Variants in IMPG1 observed in about 807,000 individuals in gnomAD.
IMPG1 encodes interphotoreceptor matrix proteoglycan of 150 kDa.
In IMPG1, 85 loss-of-function variants were observed where a neutral mutation model predicts 92.0. The ratio of observed to expected loss-of-function variants is 0.92; its 90% CI spans 0.78 to 1.11. The LOEUF is 1.11. IMPG1 is among the 50% of genes least tolerant of loss of function. The pLI, the probability that IMPG1 is intolerant of heterozygous loss-of-function variation, is 0.00. For missense variants in IMPG1, 1,022 were observed against 956.0 expected (o/e 1.07, Z -0.91); for synonymous variants, 367 against 334.1 (o/e 1.10, Z -1.08).
chr6:76,040,491 C>G (rs1783816604), intron 2 of IMPG1, among the ~76,000 whole-genome samples: 1 of 152,198 alleles, frequency 6.6e-6, no homozygotes, highest in African/African-American at 2.4e-5. Flanking sequence ...GTAATTTACT[C>G]ATGTCACTGT....
chr6:76,041,212 G>T (rs983261215), intron 2 of IMPG1, among the ~76,000 whole-genome samples: 1 of 152,168 alleles, frequency 6.6e-6, no homozygotes, highest in Non-Finnish European at 1.5e-5. Flanking sequence ...GATAGTCACT[G>T]ATGGCTGTGC....
At chr6:75,950,514 A>C in intron 13 of IMPG1, 48 bp downstream of exon 13, 1 of 1,464,588 alleles carries the variant, frequency 6.8e-7, no homozygotes, top group Non-Finnish European at 9.2e-7. Flanking sequence ...AATAACAACA[A>C]AGAAAGAAGA....
At chr6:75,985,718 TC>T (rs1782705045) in intron 12 of IMPG1, among the ~76,000 whole-genome samples, 1 of 152,192 alleles carries the variant, frequency 6.6e-6, no homozygotes, top group African/African-American at 2.4e-5. Flanking sequence ...GGAGAGCAGT[TC>T]CTTTATAGGA....
intron 15 of IMPG1, among the ~76,000 whole-genome samples, chr6:75,927,582 C>T (rs543516261): frequency 2.0e-5 from 3 of 152,104 alleles, no homozygotes; most frequent in South Asian, 2.1e-4. Flanking sequence ...ATAGGGGCAA[C>T]GGGTTTGTCC....
At position 76,012,876 on chromosome 6, in the gene IMPG1, C is replaced by T. The variant is rs144338732; in HGVS notation, c.808-1652G>A. On this transcript the variant is annotated intron_variant, in intron 7 of 16. Coordinates refer to ENST00000369950, the MANE Select transcript of IMPG1 (RefSeq NM_001563.4). ...TTGTCCTCAGCCTCTCTGCCTCAGA[C>T]AGGGTCATGAACCCCGACTGTCTTC... Among the ~76,000 whole-genome samples, 99 of 152,318 alleles carry T rather than the reference C, an allele frequency of 6.5e-4. 2 individuals are homozygous for T. The highest frequency in any genetic ancestry group is 2.1e-3 in the Admixed American group (32 of 15,298).
chr6:76,049,457 C>T (rs1783999686), intron 1 of IMPG1, among the ~76,000 whole-genome samples: 1 of 152,120 alleles, frequency 6.6e-6, no homozygotes, highest in African/African-American at 2.4e-5. Flanking sequence ...TGCCCCCTAC[C>T]TTTATTCTCT....
intron 1 of IMPG1, among the ~76,000 whole-genome samples, chr6:76,059,938 A>G (rs1372975248): frequency 1.3e-5 from 2 of 152,202 alleles, no homozygotes; most frequent in African/African-American, 4.8e-5. Context: ...TTACTTGTTT[A>G]TAAATGCAGC....
At position 75,924,743 on chromosome 6, in the gene IMPG1, A is replaced by ATATATAATATATAATATAAT. The variant is rs1449923321; in HGVS notation, c.2244-1038_2244-1037insATTATATTATATATTATATA. Among the ~76,000 whole-genome samples the ATATATAATATATAATATAAT allele has an allele frequency of 5.9e-3, 138 of 23,396 alleles. 16 individuals carry two copies. The highest frequency in any genetic ancestry group is 0.019 in the African/African-American group (107 of 5,634). 15.3% of individuals were successfully genotyped at this position (23,396 alleles called of 152,430 possible). On this transcript the variant is annotated intron_variant, in intron 15 of 16. Coordinates refer to ENST00000369950, the MANE Select transcript of IMPG1 (RefSeq NM_001563.4). ...ATAATATAATTATATATAATATATA[A>ATATATAATATATAATATAAT]TATATAATATATCATATAATTATAT...
chr6:76,011,485 G>A (rs923218051), intron 7 of IMPG1, among the ~76,000 whole-genome samples: 1 of 152,004 alleles, frequency 6.6e-6, no homozygotes, highest in African/African-American at 2.4e-5. Context: ...AGCTGTAACT[G>A]GATAGTTCTG....
At chr6:76,042,151 G>A (rs753334841) in intron 1 of IMPG1, 25 bp from the exon 2 acceptor site, 34 of 1,136,324 alleles carry the variant, frequency 3.0e-5, no homozygotes, top group Middle Eastern at 2.1e-4. Context: ...TTGATATCCT[G>A]GTGAATATAT....
In IMPG1 at chr6:75,956,512, G is replaced by A. The variant is rs550881166; in HGVS notation, c.1292-5418C>T. ...TTTCTTCTTTAGTAGTCTGGTTAGC[G>A]GTCTATTTTGTTAATCTTTTCAAAA... On this transcript the variant is annotated intron_variant, in intron 12 of 16. Coordinates refer to ENST00000369950, the MANE Select transcript of IMPG1 (RefSeq NM_001563.4). Among the ~76,000 whole-genome samples, 21 of 151,688 alleles carry A rather than the reference G, an allele frequency of 1.4e-4. No homozygotes were observed. The South Asian group carries it at 2.3e-3, about 17-fold the overall frequency.
intron 1 of IMPG1, among the ~76,000 whole-genome samples, chr6:76,067,626 C>A (rs1784332775): frequency 6.6e-6 from 1 of 151,468 alleles, no homozygotes; most frequent in African/African-American, 2.4e-5. Flanking sequence ...AGAATGGGTA[C>A]CAATCTTACT....
chr6:76,067,086 A>T (rs1784322027), intron 1 of IMPG1, among the ~76,000 whole-genome samples: 1 of 152,084 alleles, frequency 6.6e-6, no homozygotes, highest in Admixed American at 6.6e-5. Flanking sequence ...ACATGAAAAG[A>T]TAGAAAGATC....
intron 12 of IMPG1, among the ~76,000 whole-genome samples, chr6:75,976,249 G>T (rs987548674): frequency 2.6e-5 from 4 of 152,172 alleles, no homozygotes; most frequent in Non-Finnish European, 4.4e-5. Flanking sequence ...TTCAGTTGAG[G>T]TATTTGGAGA....
intron 12 of IMPG1, among the ~76,000 whole-genome samples, chr6:75,953,361 G>A (rs1484535972): frequency 6.6e-6 from 1 of 152,068 alleles, no homozygotes; most frequent in Non-Finnish European, 1.5e-5. Flanking sequence ...GTGGTTTGCT[G>A]CATTCATCAA....
At chr6:75,956,944 G>A (rs1009733595) in intron 12 of IMPG1, among the ~76,000 whole-genome samples, 3 of 151,900 alleles carry the variant, frequency 2.0e-5, no homozygotes, top group African/African-American at 7.3e-5. Context: ...TTTTGAGATG[G>A]AGTCTTGCTC....
chr6:76,039,175 TG>T (rs1783792728), intron 2 of IMPG1, among the ~76,000 whole-genome samples: 1 of 152,226 alleles, frequency 6.6e-6, no homozygotes, highest in East Asian at 1.9e-4. Context: ...CTGGGGAACT[TG>T]TTAAAATGCA....
rs1781519909 is a variant in IMPG1, at chr6:75,924,737, T to TATATC, written c.2244-1032_2244-1031insGATAT. Among the ~76,000 whole-genome samples, 16 of 64,922 alleles carry TATATC rather than the reference T, an allele frequency of 2.5e-4. 2 individuals carry two copies. Among genetic ancestry groups the TATATC allele is most frequent in the African/African-American group, 9.3e-4 (15 of 16,198 alleles). 42.6% of individuals were successfully genotyped at this position (64,922 alleles called of 152,430 possible). A position where few individuals can be genotyped will look rare whatever the true frequency, so the allele number is the denominator to read the frequency against. Reference sequence around the variant, plus strand: ...TAATATATAATATAATTATATATAATATATAATATATAATATATCATATAA... The same window carrying TATATC: ...TAATATATAATATAATTATATATAATATATCATATAATATATAATATATCATATAA... On this transcript the variant is annotated intron_variant, in intron 15 of 16. Transcript: ENST00000369950.
chr6:75,998,419 T>C (rs533684203), intron 12 of IMPG1, among the ~76,000 whole-genome samples: 24 of 152,336 alleles, frequency 1.6e-4, no homozygotes, highest in African/African-American at 5.8e-4. Flanking sequence ...ATGTCACGGA[T>C]TCCTTCTGAT....
Sources: allele counts gnomAD v4.1 joint callset (sites outside exome capture counted in the v4.1 genomes callset), GRCh38; gene constraint gnomAD v4.1.1; transcripts MANE v1.5; gene names NCBI Gene and HGNC (gene_info 2026-07-23, HGNC 2026-07-21).